Variants in MDGA2 observed in about 807,000 individuals in gnomAD.
The protein encoded by MDGA2 is MAM domain-containing glycosylphosphatidylinositol anchor protein 2.
Under a neutral mutation model 117.8 loss-of-function variants are expected in MDGA2, and 40 were observed. That is an observed-to-expected ratio of 0.34 (90% CI 0.26 to 0.44). The LOEUF is 0.44. MDGA2 is among the 20% of genes least tolerant of loss of function. The pLI is 1.00. For missense variants in MDGA2, 1,123 were observed against 1,250.6 expected, an observed-to-expected ratio of 0.90 and a Z score of 1.54; for synonymous variants, 452 against 439.0, an observed-to-expected ratio of 1.03 and a Z score of -0.37.
At chr14:47,639,545 T>C (rs1486497578) in intron 1 of MDGA2, among the ~76,000 whole-genome samples, 1 of 152,188 alleles carries the variant, frequency 6.6e-6, no homozygotes, top group East Asian at 1.9e-4. Flanking sequence ...GCACTACACG[T>C]TGAATCCTGC....
intron 3 of MDGA2, among the ~76,000 whole-genome samples, chr14:47,207,640 T>G (rs1426407496): frequency 6.6e-6 from 1 of 151,990 alleles, no homozygotes; most frequent in Non-Finnish European, 1.5e-5. Flanking sequence ...AATACAGCGC[T>G]TAGGGAGGGA....
chr14:47,566,917 T>C (rs67169231), intron 1 of MDGA2, among the ~76,000 whole-genome samples: 14 of 142,072 alleles, frequency 9.9e-5, no homozygotes, highest in African/African-American at 2.4e-4. Context: ...TTTTTTTTTT[T>C]CTTTTTTTTG....
chr14:47,540,540 G>GTGTGTATATATATATATATATATATA, intron 1 of MDGA2, among the ~76,000 whole-genome samples: 15 of 79,206 alleles, frequency 1.9e-4, no homozygotes, highest in African/African-American at 5.1e-4. Context: ...GTGTGTGTGT[G>GTGTGTATATATATATATATATATATA]TATATATATA....
chr14:46,852,498 G>GA (rs1378506242), intron 15 of MDGA2, among the ~76,000 whole-genome samples: 1 of 151,750 alleles, frequency 6.6e-6, no homozygotes, highest in East Asian at 1.9e-4. Flanking sequence ...CAGTGGCAGA[G>GA]AAAAAGAAAG....
At chr14:47,159,975 A>C (rs1566656944) in intron 3 of MDGA2, among the ~76,000 whole-genome samples, 1 of 152,174 alleles carries the variant, frequency 6.6e-6, no homozygotes, top group Admixed American at 6.5e-5. Flanking sequence ...AAATATAATA[A>C]AGTATGGCTA....
chr14:47,663,893 AT>A (rs1222941443), intron 1 of MDGA2, among the ~76,000 whole-genome samples: 1 of 147,902 alleles, frequency 6.8e-6, no homozygotes, highest in Admixed American at 6.6e-5. Flanking sequence ...AAGACTATTA[AT>A]TAGTCTTGAA....
intron 1 of MDGA2, among the ~76,000 whole-genome samples, chr14:47,317,230 TAATA>T (rs1263696199): frequency 6.6e-6 from 1 of 152,068 alleles, no homozygotes; most frequent in Non-Finnish European, 1.5e-5. Context: ...ATAAATACAA[TAATA>T]AATAGCTGTA....
intron 3 of MDGA2, among the ~76,000 whole-genome samples, chr14:47,174,516 A>G (rs149027145): frequency 0.013 from 2,020 of 152,272 alleles, 51 homozygotes; most frequent in African/African-American, 0.045. Context: ...GCTCAACAAC[A>G]TGGAAACTGA....
chr14:47,142,083 G>T (rs74391588), intron 4 of MDGA2, among the ~76,000 whole-genome samples: 3,783 of 152,230 alleles, frequency 0.025, 148 homozygotes, highest in African/African-American at 0.087. Flanking sequence ...TAGTATGAAA[G>T]ATTTTCCAAA....
chr14:47,607,480 C>T (rs1247582304), intron 1 of MDGA2, among the ~76,000 whole-genome samples: 1 of 152,032 alleles, frequency 6.6e-6, no homozygotes, highest in South Asian at 2.1e-4. Context: ...AATTTAAATA[C>T]AATCTTCTGT....
chr14:47,391,799 G>C (rs1419881945), intron 1 of MDGA2, among the ~76,000 whole-genome samples: 1 of 152,114 alleles, frequency 6.6e-6, no homozygotes, highest in Non-Finnish European at 1.5e-5. Context: ...CAGACATTCC[G>C]TTTTCTCTTT....
chr14:47,065,326 G>C (rs10134428), intron 6 of MDGA2, among the ~76,000 whole-genome samples: 141,821 of 152,182 alleles, frequency 0.93, 66,145 homozygotes, highest in East Asian at 1. Flanking sequence ...CAGATGTGCT[G>C]TGTAAATGGA....
At chr14:46,885,936 A>G (rs922242653) in intron 10 of MDGA2, among the ~76,000 whole-genome samples, 9 of 152,144 alleles carry the variant, frequency 5.9e-5, no homozygotes, top group African/African-American at 1.9e-4. Context: ...TTGCCCAGAA[A>G]GGAGACATCA....
chr14:47,577,482 C>G (rs751073265), intron 1 of MDGA2, among the ~76,000 whole-genome samples: 4 of 152,088 alleles, frequency 2.6e-5, no homozygotes, highest in Admixed American at 6.6e-5. Context: ...GCAAAAGAAA[C>G]TATCATCAGA....
intron 1 of MDGA2, among the ~76,000 whole-genome samples, chr14:47,363,796 AG>A (rs1891175317): frequency 6.6e-6 from 1 of 152,088 alleles, no homozygotes; most frequent in Admixed American, 6.6e-5. Context: ...GAGAGAAATG[AG>A]GAGAGAGAAA....
chr14:46,971,869 T>C (rs192145106), intron 8 of MDGA2, among the ~76,000 whole-genome samples: 6 of 152,246 alleles, frequency 3.9e-5, no homozygotes, highest in Admixed American at 2.6e-4. Flanking sequence ...CTCATAAATA[T>C]GTAAAATATA....
intron 7 of MDGA2, among the ~76,000 whole-genome samples, chr14:47,051,573 GAGA>G (rs1030216451): frequency 6.6e-6 from 1 of 151,824 alleles, no homozygotes; most frequent in African/African-American, 2.4e-5. Flanking sequence ...GATTTGAGGG[GAGA>G]AGTTCTTTGC....
intron 1 of MDGA2, among the ~76,000 whole-genome samples, chr14:47,555,019 A>G (rs756821680): frequency 7.9e-5 from 12 of 152,118 alleles, no homozygotes; most frequent in Non-Finnish European, 1.3e-4. Flanking sequence ...TGTGGCCTAT[A>G]AACGTTATGG....
chr14:47,077,501 A>G (rs1890538943), intron 6 of MDGA2, among the ~76,000 whole-genome samples: 1 of 152,074 alleles, frequency 6.6e-6, no homozygotes, highest in South Asian at 2.1e-4. Flanking sequence ...TGATCGCTGT[A>G]TATGTGTGAT....
Sources: gnomAD v4.1 joint callset for allele counts (sites outside exome capture counted in the v4.1 genomes callset) on GRCh38, gnomAD v4.1.1 for gene constraint, MANE v1.5 for transcripts, NCBI Gene and HGNC (gene_info 2026-07-23, HGNC 2026-07-21) for gene names.